The following SVIL variants were observed in gnomAD, a reference collection of about 807,000 sequenced individuals.
SVIL encodes supervillin, also known as archvillin.
SVIL carries 101 observed loss-of-function variants against 240.4 expected under a neutral mutation model. That is an observed-to-expected ratio of 0.42 (90% confidence interval 0.36 to 0.50). SVIL has a LOEUF of 0.50. Ranked by LOEUF, SVIL falls within the 20% of genes least tolerant of loss-of-function variation. SVIL has a pLI of 0.01. For missense variants in SVIL, 2,512 were observed against 2,818.7 expected (o/e 0.89, Z 2.46); for synonymous variants, 999 against 1,100.0 (o/e 0.91, Z 1.82).
rs888643701 is a variant in SVIL, at chr10:29,524,655, C to G, written c.2403G>C (p.Glu801Asp). The change falls in exon 14 of 38, where the codon GAG becomes GAC. Residue 801 changes from glutamate (E) to aspartate (D), a missense_variant. Transcript: ENST00000355867. ...LAKDQTNEGK[E>D]LAEQGEPDSS... ...AATCAGGTTCTCCTTGCTCAGCAAGCTCTTTGCCCTCATTTGTCTGGTCCT... is the reference window on the plus strand; with the variant it reads ...AATCAGGTTCTCCTTGCTCAGCAAGGTCTTTGCCCTCATTTGTCTGGTCCT... 6.2e-7 allele frequency: 1 copy of G among 1,614,202 alleles called. No individual in the cohort carries two copies. Among genetic ancestry groups the G allele is most frequent in the Non-Finnish European group, 8.5e-7 (1 of 1,180,032 alleles).
At chr10:29,485,523 T>C (rs1338677166) in intron 26 of SVIL, among the ~76,000 whole-genome samples, 1 of 152,240 alleles carries the variant, frequency 6.6e-6, no homozygotes, top group African/African-American at 2.4e-5. Flanking sequence ...TTTTCCCTCA[T>C]GTAAATGCCC....
chr10:29,606,803 G>A (rs900944559), intron 1 of SVIL, among the ~76,000 whole-genome samples: 4 of 152,112 alleles, frequency 2.6e-5, no homozygotes, highest in Non-Finnish European at 5.9e-5. Flanking sequence ...CGCCCAGGCT[G>A]GAGTGCAGTG....
Position 29,523,456 on chromosome 10 carries a change from A to G in SVIL, c.3158T>C (p.Leu1053Pro). 6.3e-7 allele frequency: 1 copy of G among 1,596,474 alleles called. No individual in the cohort carries two copies. Among genetic ancestry groups the G allele is most frequent in the Non-Finnish European group, 8.5e-7 (1 of 1,171,322 alleles). The part of the protein sequence containing the change: ...VENVMKRKFS[L>P]RAAEFGEPTS... ...TAGGGGCACTGGTCACTTACCTCTT[A>G]GTGAAAACTTCCTTTTCATAACATT... Residue 1053 changes from leucine to proline, a missense_variant, in exon 15 of 38, where the codon CTA (leucine) becomes CCA (proline). Coordinates refer to ENST00000355867, the MANE Select transcript of SVIL (RefSeq NM_021738.3).
intron 6 of SVIL, among the ~76,000 whole-genome samples, chr10:29,544,574 G>A (rs140864255): frequency 0.012 from 1,817 of 152,046 alleles, 32 homozygotes; most frequent in African/African-American, 0.042. Context: ...GGGCAACATT[G>A]TGAAACCCCA....
intron 1 of SVIL, among the ~76,000 whole-genome samples, chr10:29,711,273 G>A (rs1358195284): frequency 6.6e-6 from 1 of 152,080 alleles, no homozygotes; most frequent in East Asian, 1.9e-4. Flanking sequence ...GGTGACGCAC[G>A]CCGGTGGTCC....
intron 1 of SVIL, among the ~76,000 whole-genome samples, chr10:29,624,593 C>T (rs973065090): frequency 3.9e-5 from 6 of 152,184 alleles, no homozygotes; most frequent in Non-Finnish European, 7.4e-5. Context: ...TCATTTGAAA[C>T]ACAACTTCCC....
intron 30 of SVIL, among the ~76,000 whole-genome samples, chr10:29,471,949 G>A (rs1945631897): frequency 6.6e-6 from 1 of 152,162 alleles, no homozygotes; most frequent in Admixed American, 6.5e-5. Context: ...ATTTTCCAGA[G>A]CTGGACCATG....
chr10:29,462,407 G>T lies in SVIL; in HGVS notation c.6278-6C>A. 1 of 1,613,746 alleles carries T rather than the reference G, an allele frequency of 6.2e-7. No individual in the cohort carries two copies. Among genetic ancestry groups the T allele is most frequent in the Non-Finnish European group, 8.5e-7 (1 of 1,179,890 alleles). ...TGGTTTCTTGAGATTTTTTCCTGTA[G>T]TTACACAGATTGCAATGTCAGTAGA... is the stretch of plus-strand genomic sequence containing the variant. On this transcript the variant is annotated splice_region_variant and splice_polypyrimidine_tract_variant and intron_variant, in intron 35 of 37. Transcript: ENST00000355867.
chr10:29,609,404 T>TG (rs1259542378), intron 1 of SVIL, among the ~76,000 whole-genome samples: 1 of 152,088 alleles, frequency 6.6e-6, no homozygotes, highest in Non-Finnish European at 1.5e-5. Context: ...GAAACAGCAG[T>TG]GGGGCTGGTC....
chr10:29,529,181 A>G (rs968398863), intron 12 of SVIL, among the ~76,000 whole-genome samples: 1 of 125,976 alleles, frequency 7.9e-6, no homozygotes, highest in Non-Finnish European at 1.9e-5. Context: ...CTCTCAAAAA[A>G]AAAAAAAAAA....
At chr10:29,636,548 G>A (rs186681760), upstream of SVIL, among the ~76,000 whole-genome samples, 7 of 152,204 alleles carry the variant, frequency 4.6e-5, no homozygotes, top group East Asian at 9.7e-4. Context: ...AATCTCCTTC[G>A]TCACTTCTTT....
chr10:29,557,969 G>A (rs1954091759), intron 3 of SVIL, among the ~76,000 whole-genome samples: 1 of 152,110 alleles, frequency 6.6e-6, no homozygotes, highest in South Asian at 2.1e-4. Flanking sequence ...AATGTCCCAG[G>A]TTCTTATAGT....
chr10:29,462,905 G>T (rs1944430810), intron 35 of SVIL, among the ~76,000 whole-genome samples: 1 of 150,864 alleles, frequency 6.6e-6, no homozygotes, highest in Admixed American at 6.6e-5. Flanking sequence ...TAAACTAGTT[G>T]TGTCAATGAA....
At chr10:29,690,248 C>T (rs1961398934) in intron 1 of SVIL, among the ~76,000 whole-genome samples, 1 of 152,196 alleles carries the variant, frequency 6.6e-6, no homozygotes, top group Non-Finnish European at 1.5e-5. Flanking sequence ...GCCATAGTCA[C>T]AATGATCACC....
At chr10:29,493,461 T>A in intron 20 of SVIL, 70 bp from the exon 21 acceptor site, 2 of 1,532,830 alleles carry the variant, frequency 1.3e-6, no homozygotes, top group East Asian at 4.5e-5. Flanking sequence ...TTCACAATAG[T>A]TTAAAAATTC....
chr10:29,619,778 C>T (rs1221304381), intron 1 of SVIL, among the ~76,000 whole-genome samples: 1 of 152,224 alleles, frequency 6.6e-6, no homozygotes, highest in East Asian at 1.9e-4. Flanking sequence ...TAAAATCAAA[C>T]TCGATTGTCA....
At chr10:29,676,810 G>C (rs929569003) in intron 2 of SVIL, among the ~76,000 whole-genome samples, 35 of 152,262 alleles carry the variant, frequency 2.3e-4, no homozygotes, top group East Asian at 5.8e-4. Context: ...ACGCCCATTT[G>C]GCCGTTTGGA....
intron 22 of SVIL, among the ~76,000 whole-genome samples, 166 bp downstream of exon 22, chr10:29,490,681 A>T (rs540914342): frequency 6.6e-6 from 1 of 152,246 alleles, no homozygotes; most frequent in East Asian, 1.9e-4. Flanking sequence ...AAATCTTTAA[A>T]GTCTAGGTGC....
intron 7 of SVIL, among the ~76,000 whole-genome samples, chr10:29,534,150 G>A (rs1951576105): frequency 6.6e-6 from 1 of 152,174 alleles, no homozygotes; most frequent in African/African-American, 2.4e-5. Flanking sequence ...AACTAATGAA[G>A]TGAACATTTC....
Sources: gnomAD v4.1 joint callset for allele counts (sites outside exome capture counted in the v4.1 genomes callset) on GRCh38, gnomAD v4.1.1 for gene constraint, MANE v1.5 for transcripts, NCBI Gene and HGNC (gene_info 2026-07-23, HGNC 2026-07-21) for gene names.